DGKI: variants seen among roughly 807,000 people sequenced by gnomAD.
DGKI encodes the protein DAG kinase iota.
Under a neutral mutation model 147.5 loss-of-function variants are expected in DGKI, and 55 were observed. That is an observed-to-expected ratio of 0.37 (90% CI 0.30 to 0.47). The LOEUF is 0.47. Among genes scored for constraint, DGKI ranks in the 20% least tolerant of loss-of-function variants. DGKI has a pLI of 1.00. For missense variants in DGKI, 1,007 were observed against 1,323.8 expected (o/e 0.76, Z 3.71); for synonymous variants, 469 against 477.1 (o/e 0.98, Z 0.22).
chr7:137,422,520 G>A (rs1812611650), intron 28 of DGKI, among the ~76,000 whole-genome samples: 2 of 142,822 alleles, frequency 1.4e-5, no homozygotes, highest in African/African-American at 5.2e-5. Flanking sequence ...TTACGGTTTT[G>A]TTAGACAAAC....
chr7:137,734,163 C>G (rs1794959224), intron 1 of DGKI, among the ~76,000 whole-genome samples: 1 of 152,024 alleles, frequency 6.6e-6, no homozygotes, highest in African/African-American at 2.4e-5. Context: ...CTTTGGGACT[C>G]CCTTCTAATA....
Position 137,599,959 on chromosome 7 carries a change from T to C in DGKI, c.1168-54A>G, listed in dbSNP as rs1303717308. The stretch of plus-strand genomic sequence containing the variant: ...ATAATAGGAAGAAATTTCCCAAGAA[T>C]AACTGCTCATTTAAAAAATAAATAC... On this transcript the variant is annotated intron_variant, in intron 10 of 32. Transcript: ENST00000614521. The C allele has an allele frequency of 2.5e-5, 34 of 1,382,664 alleles. No homozygotes were observed. In the East Asian group the frequency reaches 6.7e-4, roughly 27 times the overall value. 85.6% of individuals were successfully genotyped at this position (1,382,664 alleles called of 1,614,324 possible).
chr7:137,582,883 G>A lies in DGKI; in HGVS notation c.1564-955C>T, dbSNP rs1819254709. 2.0e-5 allele frequency among the ~76,000 whole-genome samples: 3 copies of A among 152,144 alleles called. No homozygotes were observed. The South Asian group carries it at 6.2e-4, about 32-fold the overall frequency. On this transcript the variant is annotated intron_variant, in intron 14 of 32. Coordinates refer to ENST00000614521, the MANE Select transcript of DGKI (RefSeq NM_001321708.2). ...ACTCAAGTGGAAGGTAAATATTAAA[G>A]TAAATAAAGACGAGAAATGTTTCCA...
At chr7:137,586,005 A>T (rs1454586391) in intron 13 of DGKI, among the ~76,000 whole-genome samples, 1 of 152,206 alleles carries the variant, frequency 6.6e-6, no homozygotes, top group Non-Finnish European at 1.5e-5. Context: ...TTTTATTTCT[A>T]CACTGCCTAC....
intron 8 of DGKI, among the ~76,000 whole-genome samples, chr7:137,612,217 C>T (rs969947997): frequency 1.4e-5 from 2 of 143,772 alleles, no homozygotes; most frequent in Non-Finnish European, 3.0e-5. Flanking sequence ...ACACACAAAA[C>T]GGGCTTTTTT....
At chr7:137,416,751 C>A (rs1812376963) in intron 28 of DGKI, among the ~76,000 whole-genome samples, 1 of 152,154 alleles carries the variant, frequency 6.6e-6, no homozygotes, top group South Asian at 2.1e-4. Flanking sequence ...CAGCTTGTAC[C>A]CCATATCGCT....
At chr7:137,424,445 T>C (rs1669008072) in intron 28 of DGKI, among the ~76,000 whole-genome samples, 1 of 152,068 alleles carries the variant, frequency 6.6e-6, no homozygotes. Context: ...GGTCTACAGC[T>C]CCCAGCGTGA....
chr7:137,674,961 T>C (rs1257016778), intron 3 of DGKI, among the ~76,000 whole-genome samples: 1 of 152,210 alleles, frequency 6.6e-6, no homozygotes, highest in Non-Finnish European at 1.5e-5. Flanking sequence ...CTGCCTGTAC[T>C]TTGTTTAGGA....
intron 6 of DGKI, among the ~76,000 whole-genome samples, chr7:137,637,772 A>G (rs116652279): frequency 2.0e-3 from 311 of 152,340 alleles, no homozygotes; most frequent in African/African-American, 7.4e-3. Context: ...TTTAAAGAAT[A>G]CATAACATGC....
At position 137,547,418 on chromosome 7, in the gene DGKI, C is replaced by T. The variant is rs530719594; in HGVS notation, c.2147+4951G>A. On this transcript the variant is annotated intron_variant, in intron 20 of 32. Transcript: ENST00000614521. Reference sequence around the variant, plus strand: ...GAAGATCTAGTGGCATCATGAAGCCCTATTAGTTAACTATTTCTCATGGAA... The same window carrying T: ...GAAGATCTAGTGGCATCATGAAGCCTTATTAGTTAACTATTTCTCATGGAA... 2.0e-5 allele frequency among the ~76,000 whole-genome samples: 3 copies of T among 152,220 alleles called. No individual in the cohort carries two copies. The East Asian group carries it at 5.8e-4, about 29-fold the overall frequency.
intron 1 of DGKI, among the ~76,000 whole-genome samples, chr7:137,780,280 T>C (rs1014635542): frequency 6.6e-6 from 1 of 152,194 alleles, no homozygotes; most frequent in African/African-American, 2.4e-5. Context: ...CAAATAGATA[T>C]TCAGAATGAG....
At chr7:137,451,154 T>C (rs570867430) in intron 27 of DGKI, among the ~76,000 whole-genome samples, 1 of 152,196 alleles carries the variant, frequency 6.6e-6, no homozygotes, top group South Asian at 2.1e-4. Context: ...ACAAAACAGA[T>C]ATCTGTGTTT....
chr7:137,509,175 A>C (rs892905805), intron 21 of DGKI, among the ~76,000 whole-genome samples: 1 of 152,214 alleles, frequency 6.6e-6, no homozygotes, highest in Non-Finnish European at 1.5e-5. Flanking sequence ...CAACCTCCCC[A>C]CAACATCCTC....
At chr7:137,813,108 C>T (rs987074843) in intron 1 of DGKI, among the ~76,000 whole-genome samples, 6 of 152,092 alleles carry the variant, frequency 3.9e-5, no homozygotes, top group Admixed American at 2.6e-4. Flanking sequence ...CAGGAACAAC[C>T]CTAAGAGGCA....
At chr7:137,659,704 G>A (rs1370513314) in intron 3 of DGKI, among the ~76,000 whole-genome samples, 7 of 152,254 alleles carry the variant, frequency 4.6e-5, no homozygotes, top group South Asian at 2.1e-4. Context: ...AGGCTGAGGC[G>A]GGCGGATCAC....
chr7:137,505,261 T>C (rs1382212536), intron 21 of DGKI, among the ~76,000 whole-genome samples: 1 of 152,154 alleles, frequency 6.6e-6, no homozygotes, highest in African/African-American at 2.4e-5. Context: ...TTGTCCCACA[T>C]GGACATAATG....
chr7:137,596,031 A>AG (rs1819785257), intron 12 of DGKI, among the ~76,000 whole-genome samples: 2 of 143,862 alleles, frequency 1.4e-5, no homozygotes, highest in Non-Finnish European at 3.0e-5. Flanking sequence ...AAAAAAAAAA[A>AG]AAGAAAGAAA....
intron 2 of DGKI, among the ~76,000 whole-genome samples, chr7:137,688,125 G>A (rs1235979661): frequency 6.6e-6 from 1 of 152,154 alleles, no homozygotes; most frequent in African/African-American, 2.4e-5. Context: ...AACATCAAAT[G>A]GGAATGGAAT....
chr7:137,546,782 A>T (rs1817882459), intron 20 of DGKI, among the ~76,000 whole-genome samples: 1 of 152,218 alleles, frequency 6.6e-6, no homozygotes, highest in Non-Finnish European at 1.5e-5. Context: ...AGTTCCACGG[A>T]TCTCTCTGTT....
Sources: allele counts gnomAD v4.1 joint callset (sites outside exome capture counted in the v4.1 genomes callset), GRCh38; gene constraint gnomAD v4.1.1; transcripts MANE v1.5; gene names NCBI Gene and HGNC (gene_info 2026-07-23, HGNC 2026-07-21).